The following WDFY3 variants were observed in gnomAD, a reference collection of about 807,000 sequenced individuals.
WDFY3 encodes WD repeat and FYVE domain-containing protein 3.
A neutral mutation model predicts 409.6 loss-of-function variants in WDFY3; 66 were observed. The observed-to-expected ratio is 0.16, with a 90% confidence interval of 0.13 to 0.20. The LOEUF (loss-of-function observed/expected upper bound fraction) is 0.20. WDFY3 is among the 10% of genes least tolerant of loss of function. WDFY3 has a pLI of 1.00. For synonymous variants in WDFY3, 1,521 were observed against 1,537.1 expected, an observed-to-expected ratio of 0.99 and a Z score of 0.25; for missense variants, 3,031 against 4,298.1, an observed-to-expected ratio of 0.71 and a Z score of 8.24.
intron 35 of WDFY3, among the ~76,000 whole-genome samples, chr4:84,753,091 T>C (rs941150066): frequency 9.9e-5 from 15 of 152,212 alleles, no homozygotes; most frequent in Admixed American, 2.0e-4. Flanking sequence ...TCCACGTGAA[T>C]ACATTTTCAA....
At chr4:84,691,198 G>A (rs1729206030) in intron 60 of WDFY3, among the ~76,000 whole-genome samples, 1 of 152,200 alleles carries the variant, frequency 6.6e-6, no homozygotes, top group Non-Finnish European at 1.5e-5. Flanking sequence ...ACCCAAAACA[G>A]TTGCTGTTGC....
At chr4:84,772,276 G>A (rs1294179019) in intron 30 of WDFY3, among the ~76,000 whole-genome samples, 1 of 152,042 alleles carries the variant, frequency 6.6e-6, no homozygotes, top group Non-Finnish European at 1.5e-5. Flanking sequence ...AAAACATATG[G>A]GAACAGAGGG....
At chr4:84,728,176 A>C (rs1735974820) in intron 44 of WDFY3, among the ~76,000 whole-genome samples, 1 of 152,178 alleles carries the variant, frequency 6.6e-6, no homozygotes, top group Non-Finnish European at 1.5e-5. Flanking sequence ...AGTGAAGAAA[A>C]CGGATTCTTC....
chr4:84,871,580 G>T (rs1762138761), intron 3 of WDFY3, among the ~76,000 whole-genome samples: 1 of 151,966 alleles, frequency 6.6e-6, no homozygotes, highest in African/African-American at 2.4e-5. Context: ...ATTAATGAAA[G>T]AAAGAACACT....
chr4:84,679,839 T>C lies in WDFY3; in HGVS notation c.9824-597A>G, dbSNP rs560371562. ...TATTCTTCATATATATATATATATA[T>C]ATACACACACACACACACACACACA... On this transcript the variant is annotated intron_variant, in intron 64 of 67. Coordinates refer to ENST00000295888, the MANE Select transcript of WDFY3 (RefSeq NM_014991.6). 7.4e-3 allele frequency among the ~76,000 whole-genome samples: 1,092 copies of C among 148,452 alleles called. 3 individuals carry two copies. The highest frequency in any genetic ancestry group is 0.021 in the Middle Eastern group (6 of 282).
intron 25 of WDFY3, 132 bp from the exon 26 acceptor site, chr4:84,780,430 C>T: frequency 1.0e-6 from 1 of 998,912 alleles, no homozygotes; most frequent in Non-Finnish European, 1.4e-6. Flanking sequence ...AATGCAAATT[C>T]TAGGGAAAGC....
chr4:84,799,445 T>C (rs1750106331), intron 17 of WDFY3, among the ~76,000 whole-genome samples: 1 of 152,052 alleles, frequency 6.6e-6, no homozygotes, highest in African/African-American at 2.4e-5. Flanking sequence ...GTGTTGGGAT[T>C]ACAGGCATGA....
In WDFY3 at chr4:84,867,463, C is replaced by A. The variant is rs567072390; in HGVS notation, c.-31-6841G>T. On this transcript the variant is annotated intron_variant, in intron 3 of 67. Coordinates refer to ENST00000295888, the MANE Select transcript of WDFY3 (RefSeq NM_014991.6). The stretch of plus-strand genomic sequence containing the variant: ...TTATAAGGATTATTGTGTATAAGAA[C>A]TGGCTTTCTAATACAAACCCTATTT... Among the ~76,000 whole-genome samples, 11 of 152,290 alleles carry A rather than the reference C, an allele frequency of 7.2e-5. No individual in the cohort carries two copies. The South Asian group carries it at 2.1e-3, about 29-fold the overall frequency.
Position 84,741,790 on chromosome 4 carries a change from TAAG to T in WDFY3, c.6202_6204del (p.Leu2068del). The T allele has an allele frequency of 1.2e-6, 2 of 1,612,214 alleles. No homozygotes were observed. The highest frequency in any genetic ancestry group is 1.7e-6 in the Non-Finnish European group (2 of 1,178,698). ...GCAATTAGTTGAATTATAAAATCTA[TAAG>T]AAGTTTAGATTCTTTGTTGAACATG... is the stretch of plus-strand genomic sequence containing the variant. On this transcript the variant is annotated inframe_deletion, in exon 38 of 68. Transcript: ENST00000295888.
rs1441277449 is a variant in WDFY3 at position 84,722,285 on chromosome 4, G to C, written c.7442-713C>G. ...TGCCTGTAGTCCCAGCTACTCAGGAGGCTGAGGTGGAGAATCGCTTGAACC... is the reference window on the plus strand; with the variant it reads ...TGCCTGTAGTCCCAGCTACTCAGGACGCTGAGGTGGAGAATCGCTTGAACC... On this transcript the variant is annotated intron_variant, in intron 46 of 67. Coordinates refer to ENST00000295888, the MANE Select transcript of WDFY3 (RefSeq NM_014991.6). Among the ~76,000 whole-genome samples, 3 of 152,266 alleles carry C rather than the reference G, an allele frequency of 2.0e-5. No homozygotes were observed. The East Asian group carries it at 5.8e-4, about 29-fold the overall frequency.
intron 25 of WDFY3, 82 bp from the exon 26 acceptor site, chr4:84,780,380 T>A: frequency 3.1e-6 from 4 of 1,285,308 alleles, no homozygotes; most frequent in South Asian, 1.7e-5. Flanking sequence ...AAAAGTTTTT[T>A]AATTAGCAGT....
At chr4:84,952,186 C>T (rs1168453911) in intron 1 of WDFY3, among the ~76,000 whole-genome samples, 14 of 152,108 alleles carry the variant, frequency 9.2e-5, no homozygotes, top group Non-Finnish European at 4.4e-5. Flanking sequence ...TCACATCCTC[C>T]TGAAAGTAAA....
At chr4:84,834,877 C>T (rs12500519) in intron 7 of WDFY3, among the ~76,000 whole-genome samples, 36,420 of 152,040 alleles carry the variant, frequency 0.24, 5,424 homozygotes, top group East Asian at 0.43. Context: ...TTAATAAGTT[C>T]GTGTCAATTG....
chr4:84,918,827 A>ATATCTATATATATATATATATATC (rs1768865540), intron 2 of WDFY3, among the ~76,000 whole-genome samples: 1 of 135,974 alleles, frequency 7.4e-6, no homozygotes, highest in African/African-American at 2.7e-5. Context: ...ATATATATAT[A>ATATCTATATATATATATATATATC]GATATATATA....
At chr4:84,720,421 A>G (rs960210272) in intron 47 of WDFY3, among the ~76,000 whole-genome samples, 4 of 152,152 alleles carry the variant, frequency 2.6e-5, no homozygotes, top group Non-Finnish European at 4.4e-5. Flanking sequence ...TTGGCAGAAA[A>G]AAACAATATG....
intron 21 of WDFY3, 60 bp downstream of exon 21, chr4:84,794,459 A>G: frequency 6.9e-7 from 1 of 1,459,710 alleles, no homozygotes; most frequent in Non-Finnish European, 9.3e-7. Flanking sequence ...TAAAATAAAT[A>G]CAAAAATGAA....
chr4:84,808,268 T>C lies in WDFY3; in HGVS notation c.2429+66A>G, dbSNP rs149887687. On this transcript the variant is annotated intron_variant, in intron 15 of 67. Coordinates refer to ENST00000295888, the MANE Select transcript of WDFY3 (RefSeq NM_014991.6). ...ACAAAACACAATCAACATGTTAACA[T>C]AAATAAGCACAGAAAAAAAGGAACC... is the stretch of plus-strand genomic sequence containing the variant. 3,561 of 1,259,310 alleles carry C rather than the reference T, an allele frequency of 2.8e-3. 7 individuals carry two copies. The highest frequency in any genetic ancestry group is 3.4e-3 in the Non-Finnish European group (3,065 of 893,318). The allele number at this position is 1,259,310 out of a possible 1,614,324, so 78.0% of individuals were successfully genotyped here. A position where few individuals can be genotyped will look rare whatever the true frequency, so the allele number is the denominator to read the frequency against.
chr4:84,783,147 A>C, intron 24 of WDFY3, 73 bp from the exon 25 acceptor site: 3 of 1,322,806 alleles, frequency 2.3e-6, no homozygotes. Context: ...AAAGAAACCA[A>C]ACACATGAAT....
At chr4:84,845,243 A>G (rs1458364854) in intron 5 of WDFY3, among the ~76,000 whole-genome samples, 2 of 152,214 alleles carry the variant, frequency 1.3e-5, no homozygotes, top group Non-Finnish European at 2.9e-5. Flanking sequence ...CAACCTTCAA[A>G]GGAATAATAA....
Sources: allele counts gnomAD v4.1 joint callset (sites outside exome capture counted in the v4.1 genomes callset), GRCh38; gene constraint gnomAD v4.1.1; transcripts MANE v1.5; gene names NCBI Gene and HGNC (gene_info 2026-07-23, HGNC 2026-07-21).